LYPD1: variants seen among roughly 807,000 people sequenced by gnomAD.
The protein encoded by LYPD1 is ly6/PLAUR domain-containing protein 1.
Under a neutral mutation model 14.2 loss-of-function variants are expected in LYPD1, and 14 were observed. The observed-to-expected ratio is 0.99, with a 90% CI of 0.65 to 1.54. LYPD1 has a LOEUF of 1.54. LYPD1 is among the 40% of genes most tolerant of loss of function. The pLI, the probability that LYPD1 is intolerant of heterozygous loss-of-function variation, is 0.00. For missense variants in LYPD1, 165 were observed against 175.7 expected, an observed-to-expected ratio of 0.94 and a Z score of 0.34; for synonymous variants, 85 against 70.6, an observed-to-expected ratio of 1.20 and a Z score of -1.02.
At position 132,645,614 on chromosome 2, in the gene LYPD1, G is replaced by C; in HGVS notation, c.*431C>G. On this transcript the variant is annotated 3_prime_UTR_variant, in exon 3 of 3. Transcript: ENST00000397463. ...CAGGAGCATGAAGTTTGAATGTCAA[G>C]CGAGGGAGCCTTGAGTGGGAACTGG... 1 of 1,605,668 alleles carries C rather than the reference G, an allele frequency of 6.2e-7. No homozygotes were observed. Among genetic ancestry groups the C allele is most frequent in the Non-Finnish European group, 8.5e-7 (1 of 1,175,654 alleles).
At chr2:132,658,072 C>T (rs978681135) in intron 2 of LYPD1, among the ~76,000 whole-genome samples, 2 of 152,206 alleles carry the variant, frequency 1.3e-5, no homozygotes, top group Non-Finnish European at 2.9e-5. Flanking sequence ...AAAGGCAAAG[C>T]TTAAGACACA....
At chr2:132,648,930 A>AGGGTAGC (rs1334897559) in intron 2 of LYPD1, among the ~76,000 whole-genome samples, 4 of 152,182 alleles carry the variant, frequency 2.6e-5, no homozygotes, top group African/African-American at 9.7e-5. Flanking sequence ...CATGAGGCTC[A>AGGGTAGC]GGGTAGCTGT....
At position 132,669,994 on chromosome 2, in the gene LYPD1, G is replaced by A. The variant is rs2104933659; in HGVS notation, c.-62C>T. The A allele has an allele frequency of 1.3e-6, 2 of 1,589,476 alleles. No homozygotes were observed. The highest frequency in any genetic ancestry group is 8.5e-7 in the Non-Finnish European group (1 of 1,173,156). The stretch of plus-strand genomic sequence containing the variant: ...ATCAGAGGAGGCGACAGCAGCGGAG[G>A]CTGCCCCGGCTGCAGCGGCTGTGGC... On this transcript the variant is annotated 5_prime_UTR_variant, in exon 1 of 3. Coordinates refer to ENST00000397463, the MANE Select transcript of LYPD1 (RefSeq NM_144586.7). This position sits in a 1 kb window ranked among gnomAD's most constrained non-coding sequence, Gnocchi z 4.3.
In LYPD1 at chr2:132,669,794, G is replaced by A. The variant is rs1001895514; in HGVS notation, c.52+87C>T. ...GCAGCCCCAGCGCAGGGCTGGCCCC[G>A]AGGTGGGCGCCTTGGGGGCAAAAGG... On this transcript the variant is annotated intron_variant, in intron 1 of 2. Transcript: ENST00000397463. This position sits in a 1 kb window ranked among gnomAD's most constrained non-coding sequence, Gnocchi z 4.3. The A allele has an allele frequency of 7.7e-6, 12 of 1,566,480 alleles. No homozygotes were observed. The highest frequency in any genetic ancestry group is 5.6e-5 in the Admixed American group (3 of 53,360).
chr2:132,664,984 T>C (rs1390358463), intron 2 of LYPD1, among the ~76,000 whole-genome samples: 1 of 152,240 alleles, frequency 6.6e-6, no homozygotes, highest in South Asian at 2.1e-4. Context: ...TCATTCATTA[T>C]GCAAATATTT....
At chr2:132,668,196 G>C (rs1174244779) in intron 2 of LYPD1, among the ~76,000 whole-genome samples, 2 of 137,450 alleles carry the variant, frequency 1.5e-5, no homozygotes, top group African/African-American at 5.0e-5. Flanking sequence ...AAGACCCTTG[G>C]GGAGAAGCCT....
At position 132,669,921 on chromosome 2, in the gene LYPD1, T is replaced by C; in HGVS notation, c.12A>G (p.Leu4=). The part of the protein sequence containing the change: MWV[L]GIAATFCGLF... ...ATCCGCAAAAAGTTGCCGCGATGCC[T>C]AGGACCCACATTCTCCCGGAGTCCC... is the stretch of plus-strand genomic sequence containing the variant. The change falls in exon 1 of 3, where the codon CTA becomes CTG. Residue 4 remains leucine, a synonymous_variant. Coordinates refer to ENST00000397463, the MANE Select transcript of LYPD1 (RefSeq NM_144586.7). This position sits in a 1 kb window ranked among gnomAD's most constrained non-coding sequence, Gnocchi z 4.3. 6.2e-7 allele frequency: 1 copy of C among 1,612,648 alleles called. No homozygotes were observed. Among genetic ancestry groups the C allele is most frequent in the Non-Finnish European group, 8.5e-7 (1 of 1,179,296 alleles).
In LYPD1 at chr2:132,645,913, C is replaced by CA. The variant is rs1277160094; in HGVS notation, c.*131dup. On this transcript the variant is annotated 3_prime_UTR_variant, in exon 3 of 3. Transcript: ENST00000397463. ...AGCTCTTTCATTATTTGCACAGGAA[C>CA]AAAAGAGAACACGGACTCCCGCTCC... 32 of 707,702 alleles carry CA rather than the reference C, an allele frequency of 4.5e-5. No individual in the cohort carries two copies. In the Admixed American group the frequency reaches 8.4e-4, roughly 18 times the overall value. The allele number at this position is 707,702 out of a possible 1,614,324, so 43.8% of individuals were successfully genotyped here.
chr2:132,662,215 A>G (rs1425632508), intron 2 of LYPD1, among the ~76,000 whole-genome samples: 1 of 152,232 alleles, frequency 6.6e-6, no homozygotes, highest in African/African-American at 2.4e-5. Flanking sequence ...TGGATAGTGA[A>G]TGGGGCAACT....
upstream of LYPD1, among the ~76,000 whole-genome samples, chr2:132,670,599 G>T (rs991005706): frequency 3.3e-5 from 5 of 152,108 alleles, no homozygotes; most frequent in African/African-American, 1.2e-4. The surrounding 1 kb of genome is among the most constrained non-coding windows in gnomAD (Gnocchi z 4.5). Context: ...GTACCCCAGC[G>T]ACTGGGTCCA....
intron 2 of LYPD1, among the ~76,000 whole-genome samples, chr2:132,655,956 C>T (rs962597684): frequency 3.9e-5 from 6 of 152,150 alleles, no homozygotes; most frequent in Non-Finnish European, 7.4e-5. Flanking sequence ...TCTGTCACCC[C>T]CCTCCACTCC....
At chr2:132,656,902 G>A (rs916731605) in intron 2 of LYPD1, among the ~76,000 whole-genome samples, 2 of 152,190 alleles carry the variant, frequency 1.3e-5, no homozygotes, top group Non-Finnish European at 2.9e-5. Context: ...TCTTGGCCTA[G>A]CTGGTAGAAC....
chr2:132,662,022 C>T (rs983511900), intron 2 of LYPD1, among the ~76,000 whole-genome samples: 9 of 150,872 alleles, frequency 6.0e-5, no homozygotes, highest in South Asian at 2.1e-4. Flanking sequence ...TTTTCTGTGT[C>T]TTAGATTCAC....
chr2:132,648,738 G>T (rs2104897389), intron 2 of LYPD1, among the ~76,000 whole-genome samples: 1 of 152,260 alleles, frequency 6.6e-6, no homozygotes, highest in Non-Finnish European at 1.5e-5. Context: ...CTCTCAAGTT[G>T]GTGGTTCAGG....
chr2:132,653,970 AGAG>A (rs1474217447), intron 2 of LYPD1, among the ~76,000 whole-genome samples: 2 of 148,654 alleles, frequency 1.3e-5, no homozygotes, highest in African/African-American at 5.1e-5. Flanking sequence ...GTCAGAGGTT[AGAG>A]GAGAAGGAGA....
Position 132,670,141 on chromosome 2 carries a change from G to C in LYPD1, c.-209C>G. On this transcript the variant is annotated 5_prime_UTR_variant, in exon 1 of 3. Transcript: ENST00000397463. The surrounding 1 kb of genome is among the most constrained non-coding windows in gnomAD (Gnocchi z 4.5). ...CTCGGGCTCCCGGCTGCGGGTCTCT[G>C]CTCCTCCCGCTCGCGCTCCCGGGCC... 7.3e-7 allele frequency: 1 copy of C among 1,379,080 alleles called. No homozygotes were observed. The highest frequency in any genetic ancestry group is 9.3e-7 in the Non-Finnish European group (1 of 1,074,346). The allele number at this position is 1,379,080 out of a possible 1,614,324, so 85.4% of individuals were successfully genotyped here. A position where few individuals can be genotyped will look rare whatever the true frequency, so the allele number is the denominator to read the frequency against.
At position 132,645,983 on chromosome 2, in the gene LYPD1, G is replaced by GT; in HGVS notation, c.*61dup. The GT allele has an allele frequency of 5.5e-6, 7 of 1,275,742 alleles. No homozygotes were observed. The highest frequency in any genetic ancestry group is 7.5e-6 in the Non-Finnish European group (7 of 929,384). The allele number at this position is 1,275,742 out of a possible 1,614,324, so 79.0% of individuals were successfully genotyped here. Reference sequence around the variant, plus strand: ...ACCCAGAAGAAACTCACTCAGGGAGGTGGGGGGTTGGGGGCGAGGGCTGGA... The same window carrying GT: ...ACCCAGAAGAAACTCACTCAGGGAGGTTGGGGGGTTGGGGGCGAGGGCTGGA... On this transcript the variant is annotated 3_prime_UTR_variant, in exon 3 of 3. Transcript: ENST00000397463.
chr2:132,645,694 C>A lies in LYPD1; in HGVS notation c.*351G>T. 1 of 1,503,174 alleles carries A rather than the reference C, an allele frequency of 6.7e-7. No individual in the cohort carries two copies. The highest frequency in any genetic ancestry group is 8.9e-7 in the Non-Finnish European group (1 of 1,121,406). 93.1% of individuals were successfully genotyped at this position (1,503,174 alleles called of 1,614,324 possible). A position where few individuals can be genotyped will look rare whatever the true frequency, so the allele number is the denominator to read the frequency against. On this transcript the variant is annotated 3_prime_UTR_variant, in exon 3 of 3. Transcript: ENST00000397463. ...ACTCTGCAGTCTCAAACTATGCCCC[C>A]ATCAGGGATGGAATGGACACTGGAG... is the stretch of plus-strand genomic sequence containing the variant.
At chr2:132,666,397 C>A in intron 2 of LYPD1, among the ~76,000 whole-genome samples, 1 of 152,116 alleles carries the variant, frequency 6.6e-6, no homozygotes, top group Non-Finnish European at 1.5e-5. Context: ...GTGCACACAC[C>A]CCGACCTAGC....
Sources: gnomAD v4.1 joint callset for allele counts (sites outside exome capture counted in the v4.1 genomes callset) on GRCh38, gnomAD v4.1.1 for gene constraint, Gnocchi (gnomAD v3.1) non-coding constraint, MANE v1.5 for transcripts, NCBI Gene and HGNC (gene_info 2026-07-23, HGNC 2026-07-21) for gene names.